Variants in SLC25A2 observed in about 807,000 individuals in gnomAD.
The protein encoded by SLC25A2 is mitochondrial ornithine transporter 2.
A neutral mutation model predicts 7.4 loss-of-function variants in SLC25A2; 6 were observed. The observed-to-expected ratio is 0.82, with a 90% CI of 0.45 to 1.61. SLC25A2 has a LOEUF of 1.61. SLC25A2 is among the 40% of genes most tolerant of loss of function. The pLI, the probability that SLC25A2 is intolerant of heterozygous loss-of-function variation, is 0.01. For synonymous variants in SLC25A2, 158 were observed against 153.4 expected, an observed-to-expected ratio of 1.03 and a Z score of -0.22; for missense variants, 356 against 377.3, an observed-to-expected ratio of 0.94 and a Z score of 0.47.
chr5:141,303,780 G>A lies in SLC25A2; in HGVS notation c.86C>T (p.Pro29Leu). The change falls in exon 1 of 1, where the codon CCC (proline) becomes CTC (leucine). Residue 29 changes from proline (P) to leucine (L), a missense_variant. Physicochemically the swap from Pro to Leu is moderately conservative, Grantham distance 98. Transcript: ENST00000239451. ...GGTACVLTGQ[P>L]FDTIKVKMQT... ...CATCTTCACTTTTATTGTGTCGAAG[G>A]GCTGCCCAGTCAGTACACACGCTGT... The A allele has an allele frequency of 3.1e-6, 5 of 1,614,216 alleles. No individual in the cohort carries two copies. The highest frequency in any genetic ancestry group is 1.6e-4 in the Middle Eastern group (1 of 6,062).
Position 141,303,033 on chromosome 5 carries a change from G to A in SLC25A2, c.833C>T (p.Pro278Leu). 1 of 1,614,184 alleles carries A rather than the reference G, an allele frequency of 6.2e-7. No homozygotes were observed. The change falls in exon 1 of 1, where the codon CCT (proline) becomes CTT (leucine). Residue 278 changes from proline (P) to leucine (L), a missense_variant. Pro to Leu is a moderately conservative substitution (Grantham distance 98). Coordinates refer to ENST00000239451, the MANE Select transcript of SLC25A2 (RefSeq NM_031947.4). ...GGCCACAAACAGTGCCCCATTGGCA[G>A]GGATTGCTCGAATCATAGTAGCTTT... ...GLKATMIRAI[P>L]ANGALFVAYE...
Position 141,303,784 on chromosome 5 carries a change from G to T in SLC25A2, c.82C>A (p.Gln28Lys). 1.2e-6 allele frequency: 2 copies of T among 1,614,250 alleles called. No homozygotes were observed. Among genetic ancestry groups the T allele is most frequent in the Non-Finnish European group, 1.7e-6 (2 of 1,180,050 alleles). ...TTCACTTTTATTGTGTCGAAGGGCT[G>T]CCCAGTCAGTACACACGCTGTCCCC... ...AGGTACVLTG[Q>K]PFDTIKVKMQ... Residue 28 changes from glutamine (Q) to lysine (K), a missense_variant, in exon 1 of 1, where the codon CAG becomes AAG. Gln to Lys is a moderately conservative substitution (Grantham distance 53). Transcript: ENST00000239451.
At position 141,303,925 on chromosome 5, in the gene SLC25A2, C is replaced by T. The variant is rs1755951852; in HGVS notation, c.-60G>A. The T allele has an allele frequency of 6.5e-7, 1 of 1,538,190 alleles. No individual in the cohort carries two copies. Among genetic ancestry groups the T allele is most frequent in the Non-Finnish European group, 8.8e-7 (1 of 1,139,438 alleles). On this transcript the variant is annotated 5_prime_UTR_variant, in exon 1 of 1. Coordinates refer to ENST00000239451, the MANE Select transcript of SLC25A2 (RefSeq NM_031947.4). Reference sequence around the variant, plus strand: ...CGACTAACTCCCCAGAGCGTGAGACCGGCTTTTCACGTCCAGCCGCAGCGA... The same window carrying T: ...CGACTAACTCCCCAGAGCGTGAGACTGGCTTTTCACGTCCAGCCGCAGCGA...
chr5:141,303,875 C>G lies in SLC25A2; in HGVS notation c.-10G>C. ...CAGGACCGGACTTCATGTTCGCTCA[C>G]TCGTCTGAGGGTCCCAGTGGAAGGC... On this transcript the variant is annotated 5_prime_UTR_variant, in exon 1 of 1. Coordinates refer to ENST00000239451, the MANE Select transcript of SLC25A2 (RefSeq NM_031947.4). The G allele has an allele frequency of 6.2e-7, 1 of 1,610,328 alleles. No homozygotes were observed. The highest frequency in any genetic ancestry group is 2.2e-5 in the East Asian group (1 of 44,866).
chr5:141,303,752 C>T lies in SLC25A2; in HGVS notation c.114G>A (p.Gln38=). The change falls in exon 1 of 1, where the codon CAG becomes CAA. Residue 38 remains glutamine, a synonymous_variant. Transcript: ENST00000239451. ...QPFDTIKVKM[Q]TFPDLYKGLT... is the part of the protein sequence containing the mutation. ...GGCCCTTGTACAGGTCAGGGAACGT[C>T]TGCATCTTCACTTTTATTGTGTCGA... 1 of 1,614,246 alleles carries T rather than the reference C, an allele frequency of 6.2e-7. No homozygotes were observed. Among genetic ancestry groups the T allele is most frequent in the South Asian group, 1.1e-5 (1 of 91,080 alleles).
rs1554295997 is a variant in SLC25A2 at position 141,302,974 on chromosome 5, A to T, written c.892T>A (p.Leu298Met). 1 of 1,612,486 alleles carries T rather than the reference A, an allele frequency of 6.2e-7. No individual in the cohort carries two copies. Reference sequence around the variant, plus strand: ...ACCAAGACACTTCAGTATGCTTCCAACTGTTTCATCATCATCTTCCTGCTG... The same window carrying T: ...ACCAAGACACTTCAGTATGCTTCCATCTGTTTCATCATCATCTTCCTGCTG... Reference protein sequence around the residue: ...EYSRKMMMKQLEAY With the variant: ...EYSRKMMMKQMEAY Residue 298 changes from leucine (L) to methionine (M), a missense_variant, in exon 1 of 1, where the codon TTG (leucine) becomes ATG (methionine). Leu to Met is a conservative substitution (Grantham distance 15). Coordinates refer to ENST00000239451, the MANE Select transcript of SLC25A2 (RefSeq NM_031947.4).
Position 141,303,228 on chromosome 5 carries a change from A to G in SLC25A2, c.638T>C (p.Met213Thr). Reference sequence around the variant, plus strand: ...AATTCCAGCAACTCCACCACTTAACATCAAATGGACAGGGCCTAGTTCATC... The same window carrying G: ...AATTCCAGCAACTCCACCACTTAACGTCAAATGGACAGGGCCTAGTTCATC... Reference protein sequence around the residue: ...SKDELGPVHLMLSGGVAGICL... With the variant: ...SKDELGPVHLTLSGGVAGICL... The change falls in exon 1 of 1, where the codon ATG becomes ACG. Residue 213 changes from methionine (M) to threonine (T), a missense_variant. Transcript: ENST00000239451. 6.2e-7 allele frequency: 1 copy of G among 1,614,236 alleles called. No homozygotes were observed. The highest frequency in any genetic ancestry group is 1.1e-5 in the South Asian group (1 of 91,082).
rs782785741 is a variant in SLC25A2, at chr5:141,303,805, TC to T, written c.60del (p.Thr21GlnfsTer5). The T allele has an allele frequency of 4.3e-6, 7 of 1,614,002 alleles. No homozygotes were observed. The highest frequency in any genetic ancestry group is 5.9e-6 in the Non-Finnish European group (7 of 1,179,980). ...GGCTGCCCAGTCAGTACACACGCTG[TC>T]CCCCCTGCGGCCCCCGCTGTGAGGT... ...AIDLTAGAAG[G>X]TACVLTGQPF... On this transcript the variant is annotated frameshift_variant, in exon 1 of 1. Coordinates refer to ENST00000239451, the MANE Select transcript of SLC25A2 (RefSeq NM_031947.4). LOFTEE classifies it high-confidence loss of function.
chr5:141,302,952 A>C lies in SLC25A2; in HGVS notation c.*8T>G, dbSNP rs1554295993. ...TCATGGACTCGGATCCAGGTTCACC[A>C]AGACACTTCAGTATGCTTCCAACTG... On this transcript the variant is annotated 3_prime_UTR_variant, in exon 1 of 1. Transcript: ENST00000239451. 3 of 1,607,400 alleles carry C rather than the reference A, an allele frequency of 1.9e-6. No individual in the cohort carries two copies. The East Asian group carries it at 6.7e-5, about 36-fold the overall frequency.
chr5:141,303,771 G>T lies in SLC25A2; in HGVS notation c.95C>A (p.Thr32Lys). Residue 32 changes from threonine to lysine, a missense_variant, in exon 1 of 1, where the codon ACA (threonine) becomes AAA (lysine). Thr to Lys is a moderately conservative substitution (Grantham distance 78). Transcript: ENST00000239451. ...GAACGTCTGCATCTTCACTTTTATT[G>T]TGTCGAAGGGCTGCCCAGTCAGTAC... Reference protein sequence around the residue: ...ACVLTGQPFDTIKVKMQTFPD... With the variant: ...ACVLTGQPFDKIKVKMQTFPD... The T allele has an allele frequency of 6.2e-7, 1 of 1,614,216 alleles. No homozygotes were observed. The highest frequency in any genetic ancestry group is 1.1e-5 in the South Asian group (1 of 91,084).
At position 141,303,611 on chromosome 5, in the gene SLC25A2, G is replaced by A; in HGVS notation, c.255C>T (p.Tyr85=). The change falls in exon 1 of 1, where the codon TAC becomes TAT. Residue 85 remains tyrosine (Y), a synonymous_variant. Transcript: ENST00000239451. ...VAENSVLFMC[Y]GFCQQFVRKV... ...TCCTGACAAACTGCTGGCAGAACCCGTAGCACATGAAGAGGACCGAGTTTT... is the reference window on the plus strand; with the variant it reads ...TCCTGACAAACTGCTGGCAGAACCCATAGCACATGAAGAGGACCGAGTTTT... 2 of 1,614,186 alleles carry A rather than the reference G, an allele frequency of 1.2e-6. No homozygotes were observed. Among genetic ancestry groups the A allele is most frequent in the Non-Finnish European group, 1.7e-6 (2 of 1,180,034 alleles).
At position 141,303,085 on chromosome 5, in the gene SLC25A2, C is replaced by A. The variant is rs1321353312; in HGVS notation, c.781G>T (p.Gly261Ter). 1.2e-6 allele frequency: 2 copies of A among 1,613,994 alleles called. No homozygotes were observed. The highest frequency in any genetic ancestry group is 1.7e-6 in the Non-Finnish European group (2 of 1,180,024). ...GTLLSVVRNE[G>*]IVALYSGLKA... is the part of the protein sequence containing the mutation. ...AGTCCAGAATATAAGGCTACTATTC[C>A]TTCATTTCTCACAACACTTAAGAGG... is the stretch of plus-strand genomic sequence containing the variant. Residue 261 changes from glycine (G) to a stop codon, truncating the protein, a stop_gained, in exon 1 of 1, where the codon GGA (glycine) becomes TGA (stop). Coordinates refer to ENST00000239451, the MANE Select transcript of SLC25A2 (RefSeq NM_031947.4). LOFTEE classifies it high-confidence loss of function.
rs782639795 is a variant in SLC25A2 at position 141,303,701 on chromosome 5, G to A, written c.165C>T (p.Tyr55=). Residue 55 remains tyrosine (Y), a synonymous_variant, in exon 1 of 1, where the codon TAC becomes TAT. Coordinates refer to ENST00000239451, the MANE Select transcript of SLC25A2 (RefSeq NM_031947.4). ...KGLTDCFLKT[Y]AQVGLRGFYK... ...AGAAGCCCCGGAGACCCACTTGAGCGTATGTCTTCAGGAAGCAGTCGGTGA... is the reference window on the plus strand; with the variant it reads ...AGAAGCCCCGGAGACCCACTTGAGCATATGTCTTCAGGAAGCAGTCGGTGA... 3.8e-5 allele frequency: 61 copies of A among 1,614,030 alleles called. 1 individual carries two copies. The Middle Eastern group carries it at 8.2e-4, about 22-fold the overall frequency.
chr5:141,303,179 T>C lies in SLC25A2; in HGVS notation c.687A>G (p.Pro229=). The C allele has an allele frequency of 6.2e-7, 1 of 1,614,206 alleles. No individual in the cohort carries two copies. Among genetic ancestry groups the C allele is most frequent in the Non-Finnish European group, 8.5e-7 (1 of 1,180,036 alleles). The change falls in exon 1 of 1, where the codon CCA becomes CCG. Residue 229 remains proline, a synonymous_variant. Coordinates refer to ENST00000239451, the MANE Select transcript of SLC25A2 (RefSeq NM_031947.4). The part of the protein sequence containing the change: ...AGICLWLVVF[P]VDCIKSRIQV... ...GAATTCTGGATTTAATACAATCCAC[T>C]GGGAACACGACAAGCCACAGGCAAA...
rs1175085224 is a variant in SLC25A2 at position 141,303,558 on chromosome 5, T to C, written c.308A>G (p.Lys103Arg). The change falls in exon 1 of 1, where the codon AAG becomes AGG. Residue 103 changes from lysine to arginine, a missense_variant. By Grantham distance (26) the Lys-to-Arg change is conservative. Transcript: ENST00000239451. ...RKVAGMDKQAKLSDLQTAAAG... is the reference protein window; with the variant it reads ...RKVAGMDKQARLSDLQTAAAG... ...GGCTGCAGTCTGGAGATCACTCAGC[T>C]TTGCCTGCTTGTCCATTCCAGCCAC... 1.1e-5 allele frequency: 18 copies of C among 1,614,188 alleles called. No homozygotes were observed. The highest frequency in any genetic ancestry group is 2.2e-5 in the East Asian group (1 of 44,876).
At position 141,303,434 on chromosome 5, in the gene SLC25A2, C is replaced by T. The variant is rs1554296078; in HGVS notation, c.432G>A (p.Gly144=). 4 of 1,614,086 alleles carry T rather than the reference C, an allele frequency of 2.5e-6. No homozygotes were observed. The highest frequency in any genetic ancestry group is 1.7e-5 in the Admixed American group (1 of 60,014). Residue 144 remains glycine (G), a synonymous_variant, in exon 1 of 1, where the codon GGG becomes GGA. Transcript: ENST00000239451. ...LQTMYEMEMS[G]KIAKSHNTIW... ...TTGTATTATGGCTTTTTGCTATCTT[C>T]CCTGACATCTCCATTTCATACATGG...
rs1172190627 is a variant in SLC25A2, at chr5:141,303,282, C to G, written c.584G>C (p.Arg195Pro). The change falls in exon 1 of 1, where the codon CGA (arginine) becomes CCA (proline). Residue 195 changes from arginine (R) to proline (P), a missense_variant. Arg to Pro is a moderately radical substitution (Grantham distance 103). Coordinates refer to ENST00000239451, the MANE Select transcript of SLC25A2 (RefSeq NM_031947.4). The stretch of plus-strand genomic sequence containing the variant: ...TGATCTCCCTGACGCAAAAAACGAT[C>G]GGCTCAGTTCATAGCCACCAAAGAA... ...FFFFGGYELS[R>P]SFFASGRSKD... 1.9e-6 allele frequency: 3 copies of G among 1,614,048 alleles called. No homozygotes were observed. Among genetic ancestry groups the G allele is most frequent in the Non-Finnish European group, 2.5e-6 (3 of 1,180,046 alleles).
chr5:141,302,848 A>G lies in SLC25A2; in HGVS notation c.*112T>C. 26 of 1,190,216 alleles carry G rather than the reference A, an allele frequency of 2.2e-5. 1 individual carries two copies. In the South Asian group the frequency reaches 4.3e-4, roughly 20 times the overall value. The allele number at this position is 1,190,216 out of a possible 1,614,324, so 73.7% of individuals were successfully genotyped here. On this transcript the variant is annotated 3_prime_UTR_variant, in exon 1 of 1. Coordinates refer to ENST00000239451, the MANE Select transcript of SLC25A2 (RefSeq NM_031947.4). ...TTAGGGTAGAAGAAGGGAAGATAAAACCAAAATTCCCATGAAGTCAAAATT... is the reference window on the plus strand; with the variant it reads ...TTAGGGTAGAAGAAGGGAAGATAAAGCCAAAATTCCCATGAAGTCAAAATT...
At position 141,303,869 on chromosome 5, in the gene SLC25A2, C is replaced by G. The variant is rs781979133; in HGVS notation, c.-4G>C. 3.1e-6 allele frequency: 5 copies of G among 1,611,306 alleles called. No individual in the cohort carries two copies. The African/African-American group carries it at 6.7e-5, about 22-fold the overall frequency. On this transcript the variant is annotated 5_prime_UTR_variant, in exon 1 of 1. Transcript: ENST00000239451. Reference sequence around the variant, plus strand: ...GGATGCCAGGACCGGACTTCATGTTCGCTCACTCGTCTGAGGGTCCCAGTG... The same window carrying G: ...GGATGCCAGGACCGGACTTCATGTTGGCTCACTCGTCTGAGGGTCCCAGTG...
Sources: allele counts gnomAD v4.1 joint callset, GRCh38; gene constraint gnomAD v4.1.1; transcripts MANE v1.5; gene names NCBI Gene and HGNC (gene_info 2026-07-23, HGNC 2026-07-21).